COBLL1: variants seen among roughly 807,000 people sequenced by gnomAD.
The protein encoded by COBLL1 is cordon-bleu WH2 repeat protein like 1.
In COBLL1, 50 loss-of-function variants were observed where a neutral mutation model predicts 94.8. That is an observed-to-expected ratio of 0.53 (90% CI 0.42 to 0.67). The LOEUF (loss-of-function observed/expected upper bound fraction) is 0.67. COBLL1 is among the 30% of genes least tolerant of loss of function. The pLI is 0.00. For synonymous variants in COBLL1, 448 were observed against 473.8 expected, an observed-to-expected ratio of 0.95 and a Z score of 0.71; for missense variants, 1,362 against 1,348.7, an observed-to-expected ratio of 1.01 and a Z score of -0.15.
intron 13 of COBLL1, among the ~76,000 whole-genome samples, chr2:164,689,123 T>C (rs1026337974): frequency 1.3e-5 from 2 of 152,110 alleles, no homozygotes; most frequent in African/African-American, 2.4e-5. Flanking sequence ...ACATGTGGGT[T>C]GAGTAGGGGT....
chr2:164,710,842 C>T (rs781132159), intron 7 of COBLL1, among the ~76,000 whole-genome samples: 2 of 151,824 alleles, frequency 1.3e-5, no homozygotes, highest in East Asian at 1.9e-4. Context: ...AGATTATACG[C>T]GTGAGCCACT....
intron 2 of COBLL1, among the ~76,000 whole-genome samples, chr2:164,832,471 ACAT>A (rs1432694204): frequency 1.3e-5 from 2 of 152,322 alleles, no homozygotes; most frequent in Non-Finnish European, 1.5e-5. Flanking sequence ...GTCAACCTAC[ACAT>A]CATATTTAAA....
chr2:164,811,910 G>A (rs953413987), intron 2 of COBLL1, among the ~76,000 whole-genome samples: 9 of 151,894 alleles, frequency 5.9e-5, no homozygotes, highest in African/African-American at 1.9e-4. Flanking sequence ...CATTTTTGCT[G>A]AGGTTCAACA....
intron 2 of COBLL1, among the ~76,000 whole-genome samples, chr2:164,750,315 C>T (rs777091897): frequency 7.9e-5 from 12 of 152,148 alleles, no homozygotes; most frequent in Non-Finnish European, 1.8e-4. Flanking sequence ...TATTCCCCAT[C>T]TCTACAAATG....
Position 164,694,676 on chromosome 2 carries a change from T to C in COBLL1, c.2716A>G (p.Arg906Gly). The change falls in exon 12 of 14, where the codon AGG becomes GGG. Residue 906 changes from arginine (R) to glycine (G), a missense_variant. By Grantham distance (125) the Arg-to-Gly change is moderately radical. Transcript: ENST00000652658. The stretch of plus-strand genomic sequence containing the variant: ...TGCTCCGGAGAAGGCAGCATATCCC[T>C]TTCTGCCTCTTTATTTGTCAGTTCT... ...PKELTNKEAE[R>G]DMLPSPEQTL... 2 of 1,613,772 alleles carry C rather than the reference T, an allele frequency of 1.2e-6. No homozygotes were observed. Among genetic ancestry groups the C allele is most frequent in the Non-Finnish European group, 1.7e-6 (2 of 1,179,904 alleles).
At chr2:164,666,726 G>C (rs1691164940) in intron 1 of COBLL1, among the ~76,000 whole-genome samples, 1 of 152,082 alleles carries the variant, frequency 6.6e-6, no homozygotes, top group Non-Finnish European at 1.5e-5. Context: ...CACTTTCTTT[G>C]CTCTTCCATA....
At chr2:164,717,794 C>CTTTT (rs1685250622) in intron 7 of COBLL1, among the ~76,000 whole-genome samples, 1 of 152,054 alleles carries the variant, frequency 6.6e-6, no homozygotes, top group South Asian at 2.1e-4. Flanking sequence ...GAACTCCCGG[C>CTTTT]TTTTAAGTGA....
chr2:164,753,764 C>T (rs1168486988), intron 2 of COBLL1, among the ~76,000 whole-genome samples: 8 of 135,120 alleles, frequency 5.9e-5, no homozygotes, highest in African/African-American at 1.1e-4. Context: ...TTTTTTAAGA[C>T]AGAGGCTCAC....
intron 2 of COBLL1, among the ~76,000 whole-genome samples, chr2:164,659,126 C>T (rs1452849574): frequency 1.3e-5 from 2 of 152,116 alleles, no homozygotes; most frequent in African/African-American, 4.8e-5. Context: ...GTAAGCATAC[C>T]TAGAGTCTGT....
intron 2 of COBLL1, among the ~76,000 whole-genome samples, chr2:164,782,241 T>G (rs545210226): frequency 6.6e-6 from 1 of 152,324 alleles, no homozygotes; most frequent in African/African-American, 2.4e-5. Context: ...TTACTACTTC[T>G]TCTTAATTTT....
At chr2:164,790,808 G>T (rs1003706541) in intron 2 of COBLL1, among the ~76,000 whole-genome samples, 2 of 152,194 alleles carry the variant, frequency 1.3e-5, no homozygotes, top group African/African-American at 2.4e-5. Context: ...AGAAAACATG[G>T]TTTACATAAT....
intron 7 of COBLL1, among the ~76,000 whole-genome samples, chr2:164,711,556 A>T (rs1402489026): frequency 6.6e-6 from 1 of 152,194 alleles, no homozygotes; most frequent in African/African-American, 2.4e-5. Flanking sequence ...TCTTCAACAT[A>T]CTTTAAAGGA....
intron 2 of COBLL1, among the ~76,000 whole-genome samples, chr2:164,763,747 G>A (rs982347135): frequency 2.6e-5 from 4 of 152,064 alleles, no homozygotes; most frequent in Non-Finnish European, 5.9e-5. Flanking sequence ...AAAAGTAGAT[G>A]GGGTTCTATA....
chr2:164,806,874 A>AT (rs1684185175), intron 2 of COBLL1, among the ~76,000 whole-genome samples: 1 of 151,902 alleles, frequency 6.6e-6, no homozygotes, highest in African/African-American at 2.4e-5. Context: ...TAATTTTTCT[A>AT]TTTTTTTGTA....
intron 2 of COBLL1, among the ~76,000 whole-genome samples, chr2:164,812,600 C>T (rs1001444651): frequency 7.2e-5 from 11 of 151,974 alleles, no homozygotes; most frequent in Non-Finnish European, 1.5e-4. Context: ...CCTCCTGTAA[C>T]TCTGGCAAGA....
chr2:164,816,329 A>G (rs1051184115), intron 2 of COBLL1, among the ~76,000 whole-genome samples: 4 of 152,098 alleles, frequency 2.6e-5, no homozygotes, highest in African/African-American at 9.7e-5. Context: ...GTCTGAAAAG[A>G]ATGTGGGTGA....
Position 164,729,997 on chromosome 2 carries a change from G to C in COBLL1, c.349C>G (p.Pro117Ala). Reference sequence around the variant, plus strand: ...TTCTCTACCTCCAACATTCCTATTGGTGTGTTTGGCTTAAATTTAATGTGG... The same window carrying C: ...TTCTCTACCTCCAACATTCCTATTGCTGTGTTTGGCTTAAATTTAATGTGG... ...QNHIKFKPNT[P>A]IGMLEVEKVI... The change falls in exon 4 of 14, where the codon CCA (proline) becomes GCA (alanine). Residue 117 changes from proline to alanine, a missense_variant. Coordinates refer to ENST00000652658, the MANE Select transcript of COBLL1 (RefSeq NM_001365672.2). 1.2e-6 allele frequency: 2 copies of C among 1,613,946 alleles called. No individual in the cohort carries two copies. The highest frequency in any genetic ancestry group is 2.7e-5 in the African/African-American group (2 of 75,000).
intron 11 of COBLL1, 51 bp from the exon 12 acceptor site, chr2:164,695,887 CAA>C: frequency 7.0e-7 from 1 of 1,430,890 alleles, no homozygotes; most frequent in Non-Finnish European, 9.3e-7. Context: ...TAGAAAACCT[CAA>C]GTTTTTAATG....
chr2:164,746,171 T>C (rs565965374), intron 2 of COBLL1, among the ~76,000 whole-genome samples: 1 of 152,144 alleles, frequency 6.6e-6, no homozygotes, highest in Non-Finnish European at 1.5e-5. Context: ...ATATCATAAA[T>C]AGACCCAGAA....
Sources: gnomAD v4.1 joint callset for allele counts (sites outside exome capture counted in the v4.1 genomes callset) on GRCh38, gnomAD v4.1.1 for gene constraint, MANE v1.5 for transcripts, NCBI Gene and HGNC (gene_info 2026-07-23, HGNC 2026-07-21) for gene names.